SNX14: variants seen among roughly 807,000 people sequenced by gnomAD.
SNX14 encodes the protein sorting nexin-14.
SNX14 carries 93 observed loss-of-function variants against 133.8 expected under a neutral mutation model. The ratio of observed to expected loss-of-function variants is 0.70; its 90% CI spans 0.59 to 0.83. The LOEUF is 0.83. SNX14 is among the 40% of genes least tolerant of loss of function. The pLI is 0.00. For synonymous variants in SNX14, 368 were observed against 365.6 expected, an observed-to-expected ratio of 1.01 and a Z score of -0.07; for missense variants, 945 against 1,094.9, an observed-to-expected ratio of 0.86 and a Z score of 1.93.
At chr6:85,528,795 A>T (rs1321557724) in intron 19 of SNX14, among the ~76,000 whole-genome samples, 2 of 152,152 alleles carry the variant, frequency 1.3e-5, no homozygotes, top group East Asian at 3.8e-4. Flanking sequence ...AGTGGTTCAC[A>T]CCTGTAAGCC....
chr6:85,518,293 T>C (rs993041430), intron 21 of SNX14, among the ~76,000 whole-genome samples: 20 of 152,162 alleles, frequency 1.3e-4, no homozygotes, highest in African/African-American at 4.1e-4. Context: ...GGAGAAGGGA[T>C]GGAACAAGCC....
intron 27 of SNX14, 119 bp downstream of exon 27, chr6:85,507,849 A>G (rs1771276910): frequency 3.6e-6 from 2 of 561,524 alleles, no homozygotes. Flanking sequence ...GAATGTTTAA[A>G]ATTATATTGC....
At chr6:85,582,961 C>A (rs1329103677) in intron 1 of SNX14, among the ~76,000 whole-genome samples, 1 of 152,092 alleles carries the variant, frequency 6.6e-6, no homozygotes, top group East Asian at 1.9e-4. Flanking sequence ...CTGGCAGAGA[C>A]ACAACAAAAA....
intron 21 of SNX14, 142 bp from the exon 22 acceptor site, chr6:85,518,190 C>A: frequency 1.6e-6 from 1 of 622,784 alleles, no homozygotes; most frequent in Non-Finnish European, 2.8e-6. Flanking sequence ...ATTTCACACT[C>A]CATGGAAATT....
intron 1 of SNX14, among the ~76,000 whole-genome samples, chr6:85,580,438 TCTTCTGCTTCAAAA>T (rs935143540): frequency 2.0e-5 from 3 of 152,124 alleles, no homozygotes; most frequent in African/African-American, 7.2e-5. Flanking sequence ...AAGAGAGACT[TCTTCTGCTTCAAAA>T]AAGCAGAAGA....
At chr6:85,548,544 T>A (rs149161428) in intron 8 of SNX14, among the ~76,000 whole-genome samples, 168 bp from the exon 9 acceptor site, 28 of 152,342 alleles carry the variant, frequency 1.8e-4, no homozygotes, top group African/African-American at 6.7e-4. Flanking sequence ...TCAACCAATG[T>A]TCATGCTACT....
At chr6:85,542,867 A>T (rs1784255139) in intron 14 of SNX14, among the ~76,000 whole-genome samples, 1 of 149,844 alleles carries the variant, frequency 6.7e-6, no homozygotes. Context: ...TCTGGGTTCA[A>T]GCTATTCTCC....
chr6:85,514,286 T>C, intron 24 of SNX14, 52 bp from the exon 25 acceptor site: 1 of 1,556,188 alleles, frequency 6.4e-7, no homozygotes, highest in Non-Finnish European at 8.6e-7. Context: ...ATTGGTATTT[T>C]TGAAATTTGC....
At chr6:85,566,118 T>C (rs774356980) in intron 5 of SNX14, among the ~76,000 whole-genome samples, 5 of 152,234 alleles carry the variant, frequency 3.3e-5, no homozygotes, top group Non-Finnish European at 7.3e-5. Flanking sequence ...ACAGCATCAA[T>C]AGCTACAACT....
At chr6:85,537,988 T>C (rs181594500) in intron 16 of SNX14, among the ~76,000 whole-genome samples, 36 of 152,318 alleles carry the variant, frequency 2.4e-4, no homozygotes, top group Non-Finnish European at 5.0e-4. Flanking sequence ...TTACAACCGA[T>C]ATCCAAATAA....
chr6:85,561,558 ACTGT>A (rs1791614781), intron 6 of SNX14, among the ~76,000 whole-genome samples: 1 of 152,160 alleles, frequency 6.6e-6, no homozygotes, highest in South Asian at 2.1e-4. Flanking sequence ...ATTTCCCTAG[ACTGT>A]CTGTTAAACA....
chr6:85,548,415 A>G, intron 8 of SNX14, 39 bp from the exon 9 acceptor site: 1 of 1,443,120 alleles, frequency 6.9e-7, no homozygotes, highest in Admixed American at 2.1e-5. Flanking sequence ...ATATTTAGTG[A>G]TTTATATTAG....
At chr6:85,553,372 G>A (rs949963182) in intron 7 of SNX14, among the ~76,000 whole-genome samples, 2 of 152,164 alleles carry the variant, frequency 1.3e-5, no homozygotes, top group African/African-American at 4.8e-5. Context: ...TTTCTATCGT[G>A]AGCATAAAAG....
chr6:85,526,028 GT>G, intron 21 of SNX14, 97 bp downstream of exon 21: 1 of 699,072 alleles, frequency 1.4e-6, no homozygotes, highest in Non-Finnish European at 2.3e-6. Flanking sequence ...GGCCCTCGGA[GT>G]TTACCATAGG....
intron 21 of SNX14, among the ~76,000 whole-genome samples, chr6:85,525,127 A>G (rs1384110357): frequency 6.6e-6 from 1 of 152,154 alleles, no homozygotes; most frequent in East Asian, 1.9e-4. Context: ...CTGAAACATG[A>G]TCTTCAGGAA....
chr6:85,549,801 C>G lies in SNX14; in HGVS notation c.713G>C (p.Arg238Thr). The G allele has an allele frequency of 6.2e-7, 1 of 1,614,040 alleles. No individual in the cohort carries two copies. The highest frequency in any genetic ancestry group is 8.5e-7 in the Non-Finnish European group (1 of 1,179,956). ...PELHVALRSR[R>T]DELHYLRKLT... Reference sequence around the variant, plus strand: ...TTTCCTTAAATAGTGCAATTCATCTCTTCGACTTCTCAAAGCAACATGAAG... The same window carrying G: ...TTTCCTTAAATAGTGCAATTCATCTGTTCGACTTCTCAAAGCAACATGAAG... The change falls in exon 8 of 29, where the codon AGA becomes ACA. Residue 238 changes from arginine (R) to threonine (T), a missense_variant. By Grantham distance (71) the Arg-to-Thr change is moderately conservative. This residue lies in a region of SNX14 where 514 missense variants were observed against 538.8 expected (regional missense o/e 0.95). Transcript: ENST00000314673.
At chr6:85,534,078 T>C (rs760530356) in intron 17 of SNX14, among the ~76,000 whole-genome samples, 15 of 151,890 alleles carry the variant, frequency 9.9e-5, no homozygotes, top group Non-Finnish European at 1.8e-4. Flanking sequence ...GAAGCTGAGG[T>C]GGGAGGATTG....
intron 15 of SNX14, among the ~76,000 whole-genome samples, chr6:85,540,524 G>T (rs1040773511): frequency 6.6e-6 from 1 of 152,170 alleles, no homozygotes; most frequent in Non-Finnish European, 1.5e-5. Context: ...GTTAAATAAC[G>T]TCTAAGTTTC....
At chr6:85,571,071 G>C (rs1795380736) in intron 4 of SNX14, among the ~76,000 whole-genome samples, 2 of 152,090 alleles carry the variant, frequency 1.3e-5, no homozygotes. Flanking sequence ...AGGCCTTAGA[G>C]GCCCGGCATG....
Sources: gnomAD v4.1 joint callset for allele counts (sites outside exome capture counted in the v4.1 genomes callset) on GRCh38, gnomAD v4.1.1 for gene constraint, gnomAD v4.1.1 regional missense constraint, MANE v1.5 for transcripts, NCBI Gene and HGNC (gene_info 2026-07-23, HGNC 2026-07-21) for gene names.